CHFR: variants seen among roughly 807,000 people sequenced by gnomAD.
The protein encoded by CHFR is checkpoint with forkhead and ring finger domains, also known as E3 ubiquitin-protein ligase CHFR.
In CHFR, 57 loss-of-function variants were observed where a neutral mutation model predicts 87.6. The ratio of observed to expected loss-of-function variants is 0.65; its 90% CI spans 0.53 to 0.81. The LOEUF (loss-of-function observed/expected upper bound fraction) is 0.81, where lower values mean the gene tolerates loss of function less well. Among genes scored for constraint, CHFR ranks in the 30% least tolerant of loss-of-function variants. CHFR has a pLI of 0.00. For missense variants in CHFR, 797 were observed against 865.8 expected (o/e 0.92, Z 1.00); for synonymous variants, 381 against 359.2 (o/e 1.06, Z -0.69).
chr12:132,839,787 CACCCCT>C lies in CHFR; in HGVS notation c.*1761_*1766del, dbSNP rs1950677940. 5.8e-6 allele frequency: 1 copy of C among 172,978 alleles called. No homozygotes were observed. The highest frequency in any genetic ancestry group is 2.4e-5 in the African/African-American group (1 of 41,148). The allele number at this position is 172,978 out of a possible 1,614,324, so 10.7% of individuals were successfully genotyped here. Reference sequence around the variant, plus strand: ...AACTTGGGACCTCCCTTCTCGGCCTCACCCCTGCACTAACTAGGGACCTCCCCTCTC... The same window carrying C: ...AACTTGGGACCTCCCTTCTCGGCCTCGCACTAACTAGGGACCTCCCCTCTC... On this transcript the variant is annotated 3_prime_UTR_variant, in exon 18 of 18. Transcript: ENST00000450056.
intron 10 of CHFR, among the ~76,000 whole-genome samples, chr12:132,855,844 G>A (rs1951055445): frequency 6.9e-6 from 1 of 144,210 alleles, no homozygotes; most frequent in African/African-American, 2.4e-5. Context: ...AAAGATAAAA[G>A]TTTCAAGTGT....
chr12:132,846,174 A>T (rs1197995471), intron 15 of CHFR, among the ~76,000 whole-genome samples: 3 of 152,148 alleles, frequency 2.0e-5, no homozygotes, highest in Non-Finnish European at 4.4e-5. Flanking sequence ...GAGGGTCTCA[A>T]GCAGCAGTAG....
At chr12:132,861,432 G>T in intron 7 of CHFR, 35 bp downstream of exon 7, 1 of 1,605,900 alleles carries the variant, frequency 6.2e-7, no homozygotes, top group South Asian at 1.1e-5. Context: ...AGGAGCACAC[G>T]AGAGGACTGA....
chr12:132,851,338 G>A (rs891699850), intron 12 of CHFR, among the ~76,000 whole-genome samples: 3 of 152,084 alleles, frequency 2.0e-5, no homozygotes, highest in African/African-American at 7.2e-5. Flanking sequence ...GTTTAACAGT[G>A]ACACATTATA....
At chr12:132,879,757 G>A (rs146098239) in intron 2 of CHFR, among the ~76,000 whole-genome samples, 14 of 152,206 alleles carry the variant, frequency 9.2e-5, no homozygotes, top group East Asian at 3.9e-4. Flanking sequence ...GAACAAAGGC[G>A]TTTTAATATC....
rs771849929 is a variant in CHFR, at chr12:132,877,623, C to T, written c.165G>A (p.Leu55=). The T allele has an allele frequency of 1.9e-6, 3 of 1,613,440 alleles. No individual in the cohort carries two copies. In the Admixed American group the frequency reaches 5.0e-5, roughly 27 times the overall value. Residue 55 remains leucine (L), a synonymous_variant, in exon 3 of 18, where the codon CTG becomes CTA. Transcript: ENST00000450056. ...GCDLSFPSNK[L]VSGDHCRIVV... ...CAATTCTACAGTGATCTCCAGAGAC[C>T]AGTTTATTGCTGGGGAAGGAAAGGT...
chr12:132,848,535 C>T, intron 13 of CHFR, 106 bp downstream of exon 13: 2 of 844,110 alleles, frequency 2.4e-6, no homozygotes, highest in Non-Finnish European at 3.9e-6. Flanking sequence ...ACAGTGGCCT[C>T]ATCCCTATAA....
intron 17 of CHFR, 108 bp from the exon 18 acceptor site, chr12:132,841,704 C>A: frequency 2.2e-6 from 2 of 900,872 alleles, no homozygotes; most frequent in South Asian, 2.6e-5. Context: ...ATTCGGAAAC[C>A]ATACACAGAA....
chr12:132,858,857 C>A (rs1472277582), intron 8 of CHFR, among the ~76,000 whole-genome samples: 1 of 149,178 alleles, frequency 6.7e-6, no homozygotes, highest in East Asian at 2.0e-4. Flanking sequence ...GGTCAGAGAA[C>A]CGCTCAATCC....
At chr12:132,843,183 A>C in intron 16 of CHFR, 100 bp from the exon 17 acceptor site, 1 of 1,021,528 alleles carries the variant, frequency 9.8e-7, no homozygotes, top group Non-Finnish European at 1.5e-6. Context: ...GCTGCGGTGG[A>C]AACGCACGGC....
chr12:132,870,816 T>C (rs375866802), intron 4 of CHFR, 33 bp from the exon 5 acceptor site: 22 of 1,442,898 alleles, frequency 1.5e-5, no homozygotes, highest in Middle Eastern at 1.7e-4. Flanking sequence ...AGAAAAGTGG[T>C]GGCCCCTGTG....
At chr12:132,855,347 G>C (rs771215712) in intron 10 of CHFR, among the ~76,000 whole-genome samples, 1 of 149,940 alleles carries the variant, frequency 6.7e-6, no homozygotes, top group African/African-American at 2.5e-5. Flanking sequence ...GCTTGAACCC[G>C]GGAGGCGGAG....
chr12:132,861,903 C>T (rs1053253432), intron 6 of CHFR: 18 of 435,602 alleles, frequency 4.1e-5, no homozygotes, highest in Non-Finnish European at 4.3e-5. Context: ...GCTTAGCCCT[C>T]GAGCACCGAG....
chr12:132,884,429 C>T (rs1487153436), intron 2 of CHFR, among the ~76,000 whole-genome samples: 3 of 146,456 alleles, frequency 2.0e-5, no homozygotes, highest in African/African-American at 7.4e-5. Context: ...AAAAAAAATA[C>T]ATATATATAT....
At chr12:132,850,360 G>A (rs956317060) in intron 12 of CHFR, among the ~76,000 whole-genome samples, 2 of 152,042 alleles carry the variant, frequency 1.3e-5, no homozygotes, top group Non-Finnish European at 2.9e-5. Flanking sequence ...CTCTATATAC[G>A]AAGCATGCTC....
At chr12:132,863,710 G>C (rs1951269037) in intron 6 of CHFR, among the ~76,000 whole-genome samples, 1 of 152,148 alleles carries the variant, frequency 6.6e-6, no homozygotes, top group African/African-American at 2.4e-5. Context: ...AGAAGCCAGA[G>C]TCATAACGAC....
chr12:132,880,110 T>G (rs1019445262), intron 2 of CHFR, among the ~76,000 whole-genome samples: 1 of 152,144 alleles, frequency 6.6e-6, no homozygotes. Flanking sequence ...ACCAAAGCAA[T>G]TTTGAAAAAG....
intron 3 of CHFR, among the ~76,000 whole-genome samples, chr12:132,875,578 G>A (rs772485314): frequency 1.3e-4 from 19 of 151,966 alleles, no homozygotes; most frequent in Non-Finnish European, 1.8e-4. Context: ...AGCCGAGATC[G>A]CACCAACAGC....
chr12:132,847,221 T>C, intron 14 of CHFR, 91 bp from the exon 15 acceptor site: 1 of 1,551,620 alleles, frequency 6.4e-7, no homozygotes, highest in Non-Finnish European at 8.7e-7. Flanking sequence ...AAAAGGCCCC[T>C]GAAAGTGTGC....
Sources: allele counts gnomAD v4.1 joint callset (sites outside exome capture counted in the v4.1 genomes callset), GRCh38; gene constraint gnomAD v4.1.1; transcripts MANE v1.5; gene names NCBI Gene and HGNC (gene_info 2026-07-23, HGNC 2026-07-21).